CELA2A: variants seen among roughly 807,000 people sequenced by gnomAD.
The protein encoded by CELA2A is chymotrypsin like elastase 2A.
In CELA2A, 31 loss-of-function variants were observed where a neutral mutation model predicts 35.3. The ratio of observed to expected loss-of-function variants is 0.88; its 90% CI spans 0.66 to 1.19. The LOEUF is 1.19. CELA2A is among the 50% of genes most tolerant of loss of function. CELA2A has a pLI of 0.00. For missense variants in CELA2A, 330 were observed against 352.9 expected (o/e 0.94, Z 0.52); for synonymous variants, 150 against 149.8 (o/e 1.00, Z -0.01).
rs558493952 is a variant in CELA2A, at chr1:15,462,758, C to A, written c.253C>A (p.Leu85Met). Residue 85 changes from leucine to methionine, a missense_variant, in exon 4 of 8, where the codon CTG becomes ATG. Transcript: ENST00000359621. The part of the protein sequence containing the change: ...ISSSRTYRVG[L>M]GRHNLYVAES... ...CTCCTCCAGGACCTACCGCGTGGGGCTGGGCCGGCACAACCTCTACGTTGC... is the reference window on the plus strand; with the variant it reads ...CTCCTCCAGGACCTACCGCGTGGGGATGGGCCGGCACAACCTCTACGTTGC... 45 of 1,613,960 alleles carry A rather than the reference C, an allele frequency of 2.8e-5. No individual in the cohort carries two copies. Among genetic ancestry groups the A allele is most frequent in the Non-Finnish European group, 3.5e-5 (41 of 1,180,022 alleles).
chr1:15,462,345 G>T (rs1708447036), intron 3 of CELA2A: 4 of 395,560 alleles, frequency 1.0e-5, no homozygotes, highest in Non-Finnish European at 2.0e-5. Flanking sequence ...CTCACTAACG[G>T]TGGGACTCTG....
Position 15,461,664 on chromosome 1 carries a change from T to C in CELA2A, c.227+6T>C. ...ACGGCTGCCCACTGCATCAGGTAAC[T>C]GCCTTTCCCTGGGCGCTTGGCCTGC... On this transcript the variant is annotated splice_donor_region_variant and intron_variant, in intron 3 of 7. Coordinates refer to ENST00000359621, the MANE Select transcript of CELA2A (RefSeq NM_033440.3). The C allele has an allele frequency of 6.2e-7, 1 of 1,614,018 alleles. No homozygotes were observed. Among genetic ancestry groups the C allele is most frequent in the Non-Finnish European group, 8.5e-7 (1 of 1,179,974 alleles).
chr1:15,466,531 C>T (rs1408948625), intron 6 of CELA2A, among the ~76,000 whole-genome samples: 1 of 151,640 alleles, frequency 6.6e-6, no homozygotes, highest in Admixed American at 6.6e-5. Flanking sequence ...CGCTGCAATC[C>T]AGCCTGGGTG....
At position 15,466,126 on chromosome 1, in the gene CELA2A, CG is replaced by C. The variant is rs1557518604; in HGVS notation, c.622del (p.Val208Ter). On this transcript the variant is annotated frameshift_variant, in exon 6 of 8. Transcript: ENST00000359621. LOFTEE classifies it high-confidence loss of function. ...GTATGATCTGTGCTGGGGGTGATGG[CG>C]TGATCTCCAGCTGCAACGTGAGTAC... ...TSMICAGGDGVISSCNGDSGG... is the reference protein window; with the variant it reads ...TSMICAGGDGXISSCNGDSGG... The C allele has an allele frequency of 6.2e-7, 1 of 1,613,882 alleles. No homozygotes were observed. The highest frequency in any genetic ancestry group is 8.5e-7 in the Non-Finnish European group (1 of 1,179,902).
intron 6 of CELA2A, among the ~76,000 whole-genome samples, chr1:15,466,367 G>GC (rs1708518342): frequency 6.6e-6 from 1 of 152,110 alleles, no homozygotes; most frequent in South Asian, 2.1e-4. Flanking sequence ...TTCAAGACCA[G>GC]CCTGGCCAAC....
intron 4 of CELA2A, 83 bp from the exon 5 acceptor site, chr1:15,463,303 T>A: frequency 6.3e-7 from 1 of 1,595,514 alleles, no homozygotes; most frequent in Non-Finnish European, 8.5e-7. Flanking sequence ...ACAGGGAAGA[T>A]GACAAGGTCT....
At position 15,471,295 on chromosome 1, in the gene CELA2A, T is replaced by C. The variant is rs535089459; in HGVS notation, c.793-695T>C. Among the ~76,000 whole-genome samples the C allele has an allele frequency of 4.1e-4, 63 of 152,288 alleles. 1 individual carries two copies. Among genetic ancestry groups the C allele is most frequent in the African/African-American group, 1.3e-3 (56 of 41,568 alleles). ...GGCGCGGTGGCTCACGCCTGTAATCTGAGCACTTTGGGAAGCTGAGGCGAG... is the reference window on the plus strand; with the variant it reads ...GGCGCGGTGGCTCACGCCTGTAATCCGAGCACTTTGGGAAGCTGAGGCGAG... On this transcript the variant is annotated intron_variant, in intron 7 of 7. Coordinates refer to ENST00000359621, the MANE Select transcript of CELA2A (RefSeq NM_033440.3).
At chr1:15,459,444 G>A (rs758792912) in intron 2 of CELA2A, among the ~76,000 whole-genome samples, 3 of 151,926 alleles carry the variant, frequency 2.0e-5, no homozygotes, top group Non-Finnish European at 2.9e-5. Context: ...GATCACAGGC[G>A]TGAGCCTCTC....
At position 15,467,542 on chromosome 1, in the gene CELA2A, A is replaced by G; in HGVS notation, c.792+4A>G. ...TTACATCGACTGGATCAATTCGGTA[A>G]GAACCGGACCAGCCCTGAGCCCCAA... On this transcript the variant is annotated splice_donor_region_variant and intron_variant, in intron 7 of 7. Transcript: ENST00000359621. 6.2e-7 allele frequency: 1 copy of G among 1,614,028 alleles called. No individual in the cohort carries two copies. Among genetic ancestry groups the G allele is most frequent in the Non-Finnish European group, 8.5e-7 (1 of 1,179,964 alleles).
chr1:15,465,053 C>T (rs1708497658), intron 5 of CELA2A, among the ~76,000 whole-genome samples: 1 of 135,548 alleles, frequency 7.4e-6, no homozygotes, highest in Admixed American at 8.3e-5. Flanking sequence ...ACTCTGTTAC[C>T]CTGGCTGGAA....
intron 7 of CELA2A, among the ~76,000 whole-genome samples, chr1:15,469,913 G>A (rs1175838443): frequency 3.3e-5 from 5 of 152,178 alleles, no homozygotes; most frequent in Admixed American, 1.3e-4. Flanking sequence ...AGCAACCTGG[G>A]GACCTGAAGC....
intron 2 of CELA2A, among the ~76,000 whole-genome samples, chr1:15,459,489 G>A (rs1708405322): frequency 6.6e-6 from 1 of 152,090 alleles, no homozygotes; most frequent in Non-Finnish European, 1.5e-5. Context: ...TTGGCTTTGT[G>A]TGCTTTTGCC....
chr1:15,467,208 G>A (rs1708530030), intron 6 of CELA2A, among the ~76,000 whole-genome samples, 178 bp from the exon 7 acceptor site: 1 of 152,210 alleles, frequency 6.6e-6, no homozygotes, highest in Admixed American at 6.5e-5. Flanking sequence ...TGGCCACACA[G>A]GAAGAATAAG....
At chr1:15,464,677 T>C (rs1392999723) in intron 5 of CELA2A, among the ~76,000 whole-genome samples, 3 of 152,064 alleles carry the variant, frequency 2.0e-5, no homozygotes, top group Non-Finnish European at 2.9e-5. Context: ...CGGTGAGCGG[T>C]GGTGGAAGAG....
intron 3 of CELA2A, 127 bp from the exon 4 acceptor site, chr1:15,462,606 G>C (rs1486679217): frequency 1.7e-6 from 2 of 1,145,338 alleles, no homozygotes; most frequent in African/African-American, 3.1e-5. Context: ...GATTGTCCCA[G>C]GGGAGGAAAG....
At chr1:15,465,953 T>C in intron 5 of CELA2A, 46 bp from the exon 6 acceptor site, 1 of 1,608,806 alleles carries the variant, frequency 6.2e-7, no homozygotes, top group Middle Eastern at 1.8e-4. Flanking sequence ...TTCCTTTTTC[T>C]CAGGAGTCCC....
Position 15,467,443 on chromosome 1 carries a change from G to C in CELA2A, c.697G>C (p.Gly233Arg), listed in dbSNP as rs776835636. The change falls in exon 7 of 8, where the codon GGC (glycine) becomes CGC (arginine). Residue 233 changes from glycine (G) to arginine (R), a missense_variant. By Grantham distance (125) the Gly-to-Arg change is moderately radical. Transcript: ENST00000359621. Reference sequence around the variant, plus strand: ...GTCTGACGGCCGGTGGCAGGTGCACGGCATCGTCAGCTTCGGGTCTCGCCT... The same window carrying C: ...GTCTGACGGCCGGTGGCAGGTGCACCGCATCGTCAGCTTCGGGTCTCGCCT... ...QASDGRWQVH[G>R]IVSFGSRLGC... is the part of the protein sequence containing the mutation. 1 of 1,614,034 alleles carries C rather than the reference G, an allele frequency of 6.2e-7. No individual in the cohort carries two copies. The highest frequency in any genetic ancestry group is 1.7e-5 in the Admixed American group (1 of 60,010).
At chr1:15,470,673 C>T (rs1466089736) in intron 7 of CELA2A, among the ~76,000 whole-genome samples, 7 of 152,068 alleles carry the variant, frequency 4.6e-5, no homozygotes, top group African/African-American at 1.2e-4. Context: ...CTCCACCTCC[C>T]GGGTTCAAGC....
At position 15,471,851 on chromosome 1, in the gene CELA2A, C is replaced by T; in HGVS notation, c.793-139C>T. 5 of 964,742 alleles carry T rather than the reference C, an allele frequency of 5.2e-6. 1 individual carries two copies. The highest frequency in any genetic ancestry group is 8.3e-6 in the Non-Finnish European group (5 of 605,498). 59.8% of individuals were successfully genotyped at this position (964,742 alleles called of 1,614,324 possible). On this transcript the variant is annotated intron_variant, in intron 7 of 7. Coordinates refer to ENST00000359621, the MANE Select transcript of CELA2A (RefSeq NM_033440.3). ...CTTTTTTTCCGAAACGTCATCAGAA[C>T]TCCTCAGGCAGGAGCTACTGTAGTG...
Sources: allele counts gnomAD v4.1 joint callset (sites outside exome capture counted in the v4.1 genomes callset), GRCh38; gene constraint gnomAD v4.1.1; transcripts MANE v1.5; gene names NCBI Gene and HGNC (gene_info 2026-07-23, HGNC 2026-07-21).